LARS1: variants seen among roughly 807,000 people sequenced by gnomAD.
LARS1 encodes the protein leucine--tRNA ligase, cytoplasmic.
Under a neutral mutation model 162.8 loss-of-function variants are expected in LARS1, and 100 were observed. That is an observed-to-expected ratio of 0.61 (90% CI 0.52 to 0.73). The LOEUF (loss-of-function observed/expected upper bound fraction) is 0.73, where lower values mean the gene tolerates loss of function less well. Ranked by LOEUF, LARS1 falls within the 30% of genes least tolerant of loss-of-function variation. The pLI, the probability that LARS1 is intolerant of heterozygous loss-of-function variation, is 0.00. For synonymous variants in LARS1, 457 were observed against 462.8 expected (o/e 0.99, Z 0.16); for missense variants, 1,258 against 1,408.9 (o/e 0.89, Z 1.71).
chr5:146,148,870 G>T (rs1448402859), intron 15 of LARS1, among the ~76,000 whole-genome samples: 1 of 152,180 alleles, frequency 6.6e-6, no homozygotes, highest in Admixed American at 6.5e-5. Flanking sequence ...GAGGTCGGGA[G>T]TTCGAGACCA....
At chr5:146,142,021 G>A (rs567710652) in intron 20 of LARS1, among the ~76,000 whole-genome samples, 4 of 152,176 alleles carry the variant, frequency 2.6e-5, no homozygotes, top group Admixed American at 6.5e-5. Flanking sequence ...TTAGCCAGGC[G>A]TAGTGGTGCA....
chr5:146,129,882 T>C, intron 25 of LARS1, 136 bp downstream of exon 25: 1 of 860,994 alleles, frequency 1.2e-6, no homozygotes, highest in South Asian at 2.0e-5. Flanking sequence ...CCGTCATAAT[T>C]ATGATGCTGA....
At chr5:146,178,306 T>C (rs985764411) in intron 1 of LARS1, among the ~76,000 whole-genome samples, 2 of 151,912 alleles carry the variant, frequency 1.3e-5, no homozygotes, top group South Asian at 4.1e-4. Context: ...GTTAAAGAAC[T>C]GTTCATATGA....
Position 146,143,056 on chromosome 5 carries a change from C to T in LARS1, c.1906G>A (p.Asp636Asn). The T allele has an allele frequency of 1.2e-6, 2 of 1,613,406 alleles. No individual in the cohort carries two copies. The highest frequency in any genetic ancestry group is 1.7e-6 in the Non-Finnish European group (2 of 1,179,622). ...GGAGCCTCCTTGAAGAAAACATAAT[C>T]CCAAACTTCCTTGGTCATCTGTTGC... ...RPQQMTKEVW[D>N]YVFFKEAPFP... Residue 636 changes from aspartate to asparagine, a missense_variant, in exon 20 of 32, where the codon GAT becomes AAT. By Grantham distance (23) the Asp-to-Asn change is conservative. Transcript: ENST00000394434.
intron 30 of LARS1, among the ~76,000 whole-genome samples, chr5:146,121,884 G>A (rs931995672): frequency 6.6e-6 from 1 of 152,042 alleles, no homozygotes; most frequent in Non-Finnish European, 1.5e-5. Context: ...TAGATGACGG[G>A]TAGATGGGTG....
intron 15 of LARS1, among the ~76,000 whole-genome samples, chr5:146,148,912 C>T (rs1753138082): frequency 6.6e-6 from 1 of 151,882 alleles, no homozygotes; most frequent in African/African-American, 2.4e-5. Context: ...CCCATCTCTA[C>T]TAAAAATACA....
At position 146,174,447 on chromosome 5, in the gene LARS1, AATATATATATATATATCC is replaced by A. The variant is rs1561497635; in HGVS notation, c.126-1691_126-1674del. The stretch of plus-strand genomic sequence containing the variant: ...GCAACAACAGCAAAACTCTGTCTCA[AATATATATATATATATCC>A]ATATATATATATATATATCCATATA... On this transcript the variant is annotated intron_variant, in intron 2 of 31. Transcript: ENST00000394434. Among the ~76,000 whole-genome samples, 156 of 110,372 alleles carry A rather than the reference AATATATATATATATATCC, an allele frequency of 1.4e-3. 9 individuals are homozygous for A. Among genetic ancestry groups the A allele is most frequent in the Non-Finnish European group, 2.3e-3 (117 of 50,382 alleles). 72.4% of individuals were successfully genotyped at this position (110,372 alleles called of 152,430 possible). A position where few individuals can be genotyped will look rare whatever the true frequency, so the allele number is the denominator to read the frequency against.
chr5:146,162,857 C>T (rs1174964495), intron 6 of LARS1, among the ~76,000 whole-genome samples: 1 of 152,208 alleles, frequency 6.6e-6, no homozygotes, highest in Non-Finnish European at 1.5e-5. Context: ...CTCTTGTTGC[C>T]CAGGCTGGGT....
intron 2 of LARS1, among the ~76,000 whole-genome samples, chr5:146,174,571 C>CATATATAT (rs1296975402): frequency 6.4e-5 from 4 of 62,414 alleles, no homozygotes; most frequent in African/African-American, 2.1e-4. Flanking sequence ...TATATATATC[C>CATATATAT]ATATATGTAT....
At chr5:146,130,502 G>T in intron 24 of LARS1, 1 of 220,854 alleles carries the variant, frequency 4.5e-6, no homozygotes, top group Non-Finnish European at 8.8e-6. Flanking sequence ...ACAACACATT[G>T]CTATGCCCAG....
At chr5:146,136,540 G>A (rs1054271463) in intron 21 of LARS1, among the ~76,000 whole-genome samples, 1 of 151,102 alleles carries the variant, frequency 6.6e-6, no homozygotes, top group African/African-American at 2.4e-5. Flanking sequence ...GAGTGCAGTG[G>A]CGCAATCTTG....
Position 146,125,822 on chromosome 5 carries a change from A to C in LARS1, c.2991+613T>G, listed in dbSNP as rs568912288. ...AAGAAAACTAAGGGTCTAACCCAAT[A>C]ATTCTCAATGGTAAGAAGTGGAAGG... On this transcript the variant is annotated intron_variant, in intron 28 of 31. Coordinates refer to ENST00000394434, the MANE Select transcript of LARS1 (RefSeq NM_020117.11). Among the ~76,000 whole-genome samples, 12 of 152,100 alleles carry C rather than the reference A, an allele frequency of 7.9e-5. No homozygotes were observed. In the East Asian group the frequency reaches 1.9e-3, roughly 24 times the overall value.
intron 1 of LARS1, among the ~76,000 whole-genome samples, chr5:146,181,434 C>T (rs917957892): frequency 3.3e-5 from 5 of 151,834 alleles, no homozygotes; most frequent in African/African-American, 4.8e-5. Flanking sequence ...CCAGCACTTT[C>T]GGAGGCTGAG....
chr5:146,118,634 T>C (rs1390842945), intron 31 of LARS1, among the ~76,000 whole-genome samples: 1 of 152,186 alleles, frequency 6.6e-6, no homozygotes, highest in Non-Finnish European at 1.5e-5. Context: ...CTCATAAATA[T>C]GTACATTTAT....
intron 20 of LARS1, among the ~76,000 whole-genome samples, chr5:146,142,097 T>G (rs141448647): frequency 0.072 from 10,949 of 151,506 alleles, 584 homozygotes; most frequent in South Asian, 0.22. Flanking sequence ...GAGGCGGAGG[T>G]TGCAGTGAGC....
chr5:146,136,683 T>C (rs112509375), intron 21 of LARS1, among the ~76,000 whole-genome samples: 13,325 of 151,860 alleles, frequency 0.088, 722 homozygotes, highest in African/African-American at 0.15. Flanking sequence ...GGTTTCACCA[T>C]GTTGGTCAGG....
At chr5:146,136,224 A>G (rs1356452311) in intron 21 of LARS1, among the ~76,000 whole-genome samples, 1 of 152,242 alleles carries the variant, frequency 6.6e-6, no homozygotes, top group Non-Finnish European at 1.5e-5. Flanking sequence ...TCAGAAGGAA[A>G]TGATGATTAT....
chr5:146,180,755 A>G (rs1754798768), intron 1 of LARS1, among the ~76,000 whole-genome samples: 1 of 152,184 alleles, frequency 6.6e-6, no homozygotes, highest in Non-Finnish European at 1.5e-5. Context: ...TATAACCTTG[A>G]GCAAGTCATT....
At chr5:146,172,542 A>T (rs1754328119) in intron 3 of LARS1, 145 bp downstream of exon 3, 1 of 392,356 alleles carries the variant, frequency 2.5e-6, no homozygotes, top group East Asian at 4.7e-5. Flanking sequence ...AATAAAAATA[A>T]ATTACTTAAA....
Sources: allele counts gnomAD v4.1 joint callset (sites outside exome capture counted in the v4.1 genomes callset), GRCh38; gene constraint gnomAD v4.1.1; transcripts MANE v1.5; gene names NCBI Gene and HGNC (gene_info 2026-07-23, HGNC 2026-07-21).